OR52E4: variants seen among roughly 807,000 people sequenced by gnomAD.
OR52E4 encodes the protein olfactory receptor family 52 subfamily E member 4.
For missense variants in OR52E4, 444 were observed against 383.8 expected (o/e 1.16, Z -1.31); for synonymous variants, 169 against 137.4 (o/e 1.23, Z -1.61).
intron 1 of OR52E4, among the ~76,000 whole-genome samples, chr11:5,882,988 TTAAAA>T (rs1280089221): frequency 2.6e-5 from 4 of 152,058 alleles, no homozygotes; most frequent in Non-Finnish European, 4.4e-5. Flanking sequence ...GGATGCAAAG[TTAAAA>T]TAAGGTAATT....
In OR52E4 at chr11:5,886,012, C is replaced by G. The variant is rs1228492516; in HGVS notation, c.*781C>G. The stretch of plus-strand genomic sequence containing the variant: ...ATGTGAAAAGACTAGATGGGCCTAG[C>G]CTCCCAGGCTACATCCTTCTCCTGT... On this transcript the variant is annotated 3_prime_UTR_variant, in exon 2 of 2. Transcript: ENST00000641726. The G allele has an allele frequency of 6.6e-6, 1 of 151,966 alleles. No homozygotes were observed. The highest frequency in any genetic ancestry group is 1.5e-5 in the Non-Finnish European group (1 of 68,024). The allele number at this position is 151,966 out of a possible 1,614,324, so 9.4% of individuals were successfully genotyped here.
chr11:5,885,488 G>C lies in OR52E4; in HGVS notation c.*257G>C. ...TGCTGAAGGTTGAGGTGGCTTTGGA[G>C]TAGAACTGCTTGTAAACAAGGGTGA... is the stretch of plus-strand genomic sequence containing the variant. On this transcript the variant is annotated 3_prime_UTR_variant, in exon 2 of 2. Transcript: ENST00000641726. 1 of 363,864 alleles carries C rather than the reference G, an allele frequency of 2.7e-6. No individual in the cohort carries two copies. The highest frequency in any genetic ancestry group is 4.6e-5 in the East Asian group (1 of 21,972). The allele number at this position is 363,864 out of a possible 1,614,324, so 22.5% of individuals were successfully genotyped here. A position where few individuals can be genotyped will look rare whatever the true frequency, so the allele number is the denominator to read the frequency against.
chr11:5,884,828 C>T lies in OR52E4; in HGVS notation c.536C>T (p.Thr179Ile). Reference sequence around the variant, plus strand: ...TGTGGGCATAACATCGTACCTCACACATACTGTGAGCACAGGGGTCTGGCC... The same window carrying T: ...TGTGGGCATAACATCGTACCTCACATATACTGTGAGCACAGGGGTCTGGCC... ...PFCGHNIVPH[T>I]YCEHRGLAGL... is the part of the protein sequence containing the mutation. Residue 179 changes from threonine (T) to isoleucine (I), a missense_variant, in exon 2 of 2, where the codon ACA becomes ATA. Coordinates refer to ENST00000641726, the MANE Select transcript of OR52E4 (RefSeq NM_001005165.2). 1 of 1,613,476 alleles carries T rather than the reference C, an allele frequency of 6.2e-7. No individual in the cohort carries two copies. The highest frequency in any genetic ancestry group is 8.5e-7 in the Non-Finnish European group (1 of 1,179,612).
Position 5,884,723 on chromosome 11 carries a change from G to A in OR52E4, c.431G>A (p.Ser144Asn), listed in dbSNP as rs566419771. ...ATGATCCTCACCAATAAAACCATCA[G>A]TATCCTAGCTTCTGTGGTTGTTGGA... ...YTMILTNKTISILASVVVGRN... is the reference protein window; with the variant it reads ...YTMILTNKTINILASVVVGRN... Residue 144 changes from serine (S) to asparagine (N), a missense_variant, in exon 2 of 2, where the codon AGT becomes AAT. Ser to Asn is a conservative substitution (Grantham distance 46, BLOSUM62 1). Coordinates refer to ENST00000641726, the MANE Select transcript of OR52E4 (RefSeq NM_001005165.2). The A allele has an allele frequency of 3.1e-6, 5 of 1,613,594 alleles. 1 individual carries two copies. The highest frequency in any genetic ancestry group is 2.7e-5 in the African/African-American group (2 of 74,984).
At chr11:5,882,665 T>G (rs1846978699) in intron 1 of OR52E4, among the ~76,000 whole-genome samples, 1 of 151,692 alleles carries the variant, frequency 6.6e-6, no homozygotes, top group Non-Finnish European at 1.5e-5. Flanking sequence ...AAACATGATT[T>G]CTCTCTCTAC....
At chr11:5,883,643 A>T (rs184429319) in intron 1 of OR52E4, among the ~76,000 whole-genome samples, 1 of 152,022 alleles carries the variant, frequency 6.6e-6, no homozygotes, top group East Asian at 1.9e-4. Context: ...GTTTTTCAAG[A>T]AATTAGTTGT....
intron 1 of OR52E4, among the ~76,000 whole-genome samples, chr11:5,882,820 A>C (rs1156480377): frequency 2.6e-5 from 4 of 151,986 alleles, no homozygotes; most frequent in African/African-American, 9.7e-5. Flanking sequence ...ACTGGGAACC[A>C]ACATTCATGT....
At position 5,883,469 on chromosome 11, in the gene OR52E4, C is replaced by G. The variant is rs187188965; in HGVS notation, c.-74-750C>G. On this transcript the variant is annotated intron_variant, in intron 1 of 1. Coordinates refer to ENST00000641726, the MANE Select transcript of OR52E4 (RefSeq NM_001005165.2). ...TCTCCTTTGTACTAGGAATCTTTGT[C>G]TCATCTAGAAACTATTGAGATACTC... Among the ~76,000 whole-genome samples, 10 of 151,918 alleles carry G rather than the reference C, an allele frequency of 6.6e-5. No homozygotes were observed. The East Asian group carries it at 1.7e-3, about 27-fold the overall frequency.
rs925019319 is a variant in OR52E4 at position 5,886,334 on chromosome 11, C to G, written c.*1103C>G. Reference sequence around the variant, plus strand: ...TTTGTGAATTTAGGGATATGAGAGACTACAGTGTGGGTATTACGGAGACAT... The same window carrying G: ...TTTGTGAATTTAGGGATATGAGAGAGTACAGTGTGGGTATTACGGAGACAT... On this transcript the variant is annotated 3_prime_UTR_variant, in exon 2 of 2. Coordinates refer to ENST00000641726, the MANE Select transcript of OR52E4 (RefSeq NM_001005165.2). 1.3e-5 allele frequency: 2 copies of G among 151,904 alleles called. No homozygotes were observed. Among genetic ancestry groups the G allele is most frequent in the Non-Finnish European group, 2.9e-5 (2 of 67,972 alleles). The allele number at this position is 151,904 out of a possible 1,614,324, so 9.4% of individuals were successfully genotyped here. A position where few individuals can be genotyped will look rare whatever the true frequency, so the allele number is the denominator to read the frequency against.
In OR52E4 at chr11:5,884,671, G is replaced by A. The variant is rs770877499; in HGVS notation, c.379G>A (p.Ala127Thr). The stretch of plus-strand genomic sequence containing the variant: ...GGTCATGGCTTATGACCGCTTTGTT[G>A]CCATCTGCAACCCTCTCCAGTACAC... ...LVVMAYDRFV[A>T]ICNPLQYTMI... Residue 127 changes from alanine (A) to threonine (T), a missense_variant, in exon 2 of 2, where the codon GCC becomes ACC. By Grantham distance (58) the Ala-to-Thr change is moderately conservative. Coordinates refer to ENST00000641726, the MANE Select transcript of OR52E4 (RefSeq NM_001005165.2). 1.9e-6 allele frequency: 3 copies of A among 1,613,382 alleles called. No individual in the cohort carries two copies. Among genetic ancestry groups the A allele is most frequent in the Non-Finnish European group, 2.5e-6 (3 of 1,179,720 alleles).
At chr11:5,881,844 G>A (rs1846967349) in intron 1 of OR52E4, among the ~76,000 whole-genome samples, 1 of 152,056 alleles carries the variant, frequency 6.6e-6, no homozygotes, top group South Asian at 2.1e-4. Flanking sequence ...TGATCTATCT[G>A]GTTAAAGAAT....
At chr11:5,881,195 TTC>T (rs1454978691) in intron 1 of OR52E4, among the ~76,000 whole-genome samples, 1 of 152,136 alleles carries the variant, frequency 6.6e-6, no homozygotes, top group African/African-American at 2.4e-5. Flanking sequence ...TAAAGTTTTA[TTC>T]TCTGTTTCCC....
intron 1 of OR52E4, among the ~76,000 whole-genome samples, chr11:5,882,638 C>T (rs890250189): frequency 6.6e-6 from 1 of 151,984 alleles, no homozygotes. Flanking sequence ...CTGATGTATG[C>T]AGCCACGTAC....
At position 5,881,485 on chromosome 11, in the gene OR52E4, T is replaced by C. The variant is rs149434752; in HGVS notation, c.-75+771T>C. 1.2e-3 allele frequency among the ~76,000 whole-genome samples: 187 copies of C among 152,266 alleles called. 1 individual carries two copies. The highest frequency in any genetic ancestry group is 4.3e-3 in the African/African-American group (179 of 41,572). On this transcript the variant is annotated intron_variant, in intron 1 of 1. Transcript: ENST00000641726. The stretch of plus-strand genomic sequence containing the variant: ...TTTCTAAATGAGCAGTATTGGGTCA[T>C]ATTTGTATCCATAAAAATCTAGACA...
chr11:5,884,408 T>A lies in OR52E4; in HGVS notation c.116T>A (p.Ile39Asn). Residue 39 changes from isoleucine to asparagine, a missense_variant, in exon 2 of 2, where the codon ATT becomes AAT. Transcript: ENST00000641726. ...ISFPFCIVYL[I>N]AIVGNMTILF... is the part of the protein sequence containing the mutation. Reference sequence around the variant, plus strand: ...TTCCCATTCTGTATTGTGTACCTGATTGCCATTGTGGGGAATATGACCATT... The same window carrying A: ...TTCCCATTCTGTATTGTGTACCTGAATGCCATTGTGGGGAATATGACCATT... The A allele has an allele frequency of 6.2e-7, 1 of 1,613,398 alleles. No individual in the cohort carries two copies. The highest frequency in any genetic ancestry group is 8.5e-7 in the Non-Finnish European group (1 of 1,179,482).
intron 1 of OR52E4, among the ~76,000 whole-genome samples, chr11:5,883,805 GAA>G (rs1846996945): frequency 6.6e-6 from 1 of 151,902 alleles, no homozygotes; most frequent in Non-Finnish European, 1.5e-5. Context: ...ACTTATGAGA[GAA>G]TGAGAGTGAG....
chr11:5,881,438 A>G (rs1170094283), intron 1 of OR52E4, among the ~76,000 whole-genome samples: 5 of 152,154 alleles, frequency 3.3e-5, no homozygotes, highest in Admixed American at 6.6e-5. Flanking sequence ...AGCTGTAAGA[A>G]TAAGAGGAGA....
At chr11:5,883,026 C>A (rs1423991077) in intron 1 of OR52E4, among the ~76,000 whole-genome samples, 1 of 151,926 alleles carries the variant, frequency 6.6e-6, no homozygotes, top group Non-Finnish European at 1.5e-5. Context: ...GTCAAGGAAT[C>A]AATGAAGAGT....
intron 1 of OR52E4, among the ~76,000 whole-genome samples, chr11:5,883,810 A>C (rs1043826393): frequency 1.3e-5 from 2 of 151,960 alleles, no homozygotes; most frequent in Non-Finnish European, 2.9e-5. Flanking sequence ...TGAGAGAATG[A>C]GAGTGAGAAT....
Sources: gnomAD v4.1 joint callset for allele counts (sites outside exome capture counted in the v4.1 genomes callset) on GRCh38, gnomAD v4.1.1 for gene constraint, MANE v1.5 for transcripts, NCBI Gene and HGNC (gene_info 2026-07-23, HGNC 2026-07-21) for gene names.